PLEKHG3: variants seen among roughly 807,000 people sequenced by gnomAD.
The protein encoded by PLEKHG3 is pleckstrin homology domain-containing family G member 3.
A neutral mutation model predicts 94.9 loss-of-function variants in PLEKHG3; 62 were observed. The observed-to-expected ratio is 0.65, with a 90% CI of 0.53 to 0.81. The LOEUF is 0.81. Among genes scored for constraint, PLEKHG3 ranks in the 30% least tolerant of loss-of-function variants. The pLI, the probability that PLEKHG3 is intolerant of heterozygous loss-of-function variation, is 0.00. For synonymous variants in PLEKHG3, 614 were observed against 654.0 expected (o/e 0.94, Z 0.93); for missense variants, 1,461 against 1,619.3 (o/e 0.90, Z 1.68).
intron 16 of PLEKHG3, 125 bp from the exon 17 acceptor site, chr14:64,742,857 C>G (rs894293667): frequency 9.6e-6 from 8 of 834,676 alleles, no homozygotes; most frequent in Non-Finnish European, 1.6e-5. Flanking sequence ...TGAGATTTCT[C>G]CCATCACACC....
rs1278045308 is a variant in PLEKHG3, at chr14:64,743,182, T to A, written c.3139T>A (p.Trp1047Arg). Reference sequence around the variant, plus strand: ...CCTCAGCCCCACAGAGACCTTCAGCTGGCCCGACGTCCGTGAGCTCTGCTC... The same window carrying A: ...CCTCAGCCCCACAGAGACCTTCAGCAGGCCCGACGTCCGTGAGCTCTGCTC... ...SPLSPTETFS[W>R]PDVRELCSKY... The change falls in exon 17 of 17, where the codon TGG (tryptophan) becomes AGG (arginine). Residue 1047 changes from tryptophan to arginine, a missense_variant. Trp to Arg is a moderately radical substitution (Grantham distance 101). Transcript: ENST00000247226. This position sits in a 1 kb window ranked among gnomAD's most constrained non-coding sequence, Gnocchi z 7.2. 1.9e-6 allele frequency: 3 copies of A among 1,610,464 alleles called. No individual in the cohort carries two copies. The highest frequency in any genetic ancestry group is 2.5e-6 in the Non-Finnish European group (3 of 1,179,772).
At chr14:64,707,816 AC>A (rs565737508) in intron 1 of PLEKHG3, among the ~76,000 whole-genome samples, 14 of 152,358 alleles carry the variant, frequency 9.2e-5, no homozygotes, top group African/African-American at 3.4e-4. Context: ...TTGACAGCTC[AC>A]TAGCCCTGTG....
chr14:64,727,501 A>ACCCCCCCCTCCCCC lies in PLEKHG3; in HGVS notation c.-39-88_-39-87insCCCCTCCCCCCCCC. On this transcript the variant is annotated intron_variant, in intron 1 of 16. Coordinates refer to ENST00000247226, the MANE Select transcript of PLEKHG3 (RefSeq NM_001308147.2). This position sits in a 1 kb window ranked among gnomAD's most constrained non-coding sequence, Gnocchi z 6.0. ...TGGATGCACTAAATAATACCTTCCC[A>ACCCCCCCCTCCCCC]CCCCACCTGCCCCCACCCCTGGCAA... 3.6e-6 allele frequency: 1 copy of ACCCCCCCCTCCCCC among 280,846 alleles called. No individual in the cohort carries two copies. The allele number at this position is 280,846 out of a possible 1,614,324, so 17.4% of individuals were successfully genotyped here.
chr14:64,741,067 A>T lies in PLEKHG3; in HGVS notation c.1550A>T (p.Gln517Leu). The change falls in exon 16 of 17, where the codon CAA (glutamine) becomes CTA (leucine). Residue 517 changes from glutamine to leucine, a missense_variant. Around this residue, in one of 3 missense-constraint regions of PLEKHG3, gnomAD observed 1,201 missense variants for 1,295.5 expected, o/e 0.93. Transcript: ENST00000247226. ...VEPDPEAGSE[Q>L]EVFSAVEGPS... ...CCGGACCCTGAGGCTGGGAGTGAGC[A>T]AGAGGTATTTTCTGCTGTGGAAGGG... The T allele has an allele frequency of 6.2e-7, 1 of 1,604,958 alleles. No homozygotes were observed. Among genetic ancestry groups the T allele is most frequent in the Admixed American group, 1.7e-5 (1 of 59,248 alleles).
Position 64,728,031 on chromosome 14 carries a change from C to A in PLEKHG3, c.351+49C>A. Reference sequence around the variant, plus strand: ...ACAGTATTCTAGCAGAAGCCTGTTTCACCCTGGGAGGGAAGCTCTCAAAAG... The same window carrying A: ...ACAGTATTCTAGCAGAAGCCTGTTTAACCCTGGGAGGGAAGCTCTCAAAAG... On this transcript the variant is annotated intron_variant, in intron 2 of 16. Transcript: ENST00000247226. The surrounding 1 kb of genome is among the most constrained non-coding windows in gnomAD (Gnocchi z 5.9). 8.2e-7 allele frequency: 1 copy of A among 1,218,830 alleles called. No homozygotes were observed. Among genetic ancestry groups the A allele is most frequent in the Non-Finnish European group, 1.1e-6 (1 of 887,440 alleles). 75.5% of individuals were successfully genotyped at this position (1,218,830 alleles called of 1,614,324 possible). A position where few individuals can be genotyped will look rare whatever the true frequency, so the allele number is the denominator to read the frequency against.
chr14:64,712,304 C>A (rs2081075598), intron 1 of PLEKHG3, among the ~76,000 whole-genome samples: 1 of 151,850 alleles, frequency 6.6e-6, no homozygotes, highest in Non-Finnish European at 1.5e-5. Context: ...TTTGGGTATT[C>A]TGGGTCCCTT....
At chr14:64,734,760 A>G (rs229620) in intron 12 of PLEKHG3, among the ~76,000 whole-genome samples, 36,878 of 132,310 alleles carry the variant, frequency 0.28, 4,958 homozygotes, top group African/African-American at 0.37. Context: ...CTTGTCTGTC[A>G]CCCAGGCTGG....
Position 64,723,169 on chromosome 14 carries a change from G to A in PLEKHG3, c.-39-4424G>A, listed in dbSNP as rs556717311. Among the ~76,000 whole-genome samples the A allele has an allele frequency of 2.9e-5, 4 of 139,392 alleles. No homozygotes were observed. In the East Asian group the frequency reaches 7.8e-4, roughly 27 times the overall value. 91.4% of individuals were successfully genotyped at this position (139,392 alleles called of 152,430 possible). On this transcript the variant is annotated intron_variant, in intron 1 of 16. Coordinates refer to ENST00000247226, the MANE Select transcript of PLEKHG3 (RefSeq NM_001308147.2). The surrounding 1 kb of genome is among the most constrained non-coding windows in gnomAD (Gnocchi z 4.5). ...GGTGTGGGTGGAGGAAGGGTGTGGT[G>A]TGGTTTAGGCTTAAATTTAAAGAAA...
chr14:64,736,980 A>G, intron 13 of PLEKHG3, 89 bp downstream of exon 13: 3 of 954,856 alleles, frequency 3.1e-6, no homozygotes, highest in Middle Eastern at 2.1e-4. Flanking sequence ...GTGTGACCTG[A>G]GGGTGGAGGA....
rs2081799813 is a variant in PLEKHG3 at position 64,744,771 on chromosome 14, A to ATTTTTTTTGTTTTTTTTTTTTTTTTTT, written c.*1076_*1077insGTTTTTTTTTTTTTTTTTTTTTTTTTT. On this transcript the variant is annotated 3_prime_UTR_variant, in exon 17 of 17. Transcript: ENST00000247226. ...CCAGGAAACATCCTAGAAGACAAGG[A>ATTTTTTTTGTTTTTTTTTTTTTTTTTT]TTTTTTTTTTTTTTTTTTTTGAGAC... 1 of 122,042 alleles carries ATTTTTTTTGTTTTTTTTTTTTTTTTTT rather than the reference A, an allele frequency of 8.2e-6. No individual in the cohort carries two copies. The highest frequency in any genetic ancestry group is 3.4e-5 in the African/African-American group (1 of 29,462). The allele number at this position is 122,042 out of a possible 1,614,324, so 7.6% of individuals were successfully genotyped here.
chr14:64,726,942 C>T lies in PLEKHG3; in HGVS notation c.-39-651C>T, dbSNP rs945141185. ...TAACATTGTAAGAACCAGATCTTTGCCCATCCCTGTACAGTGACCCCAGCA... is the reference window on the plus strand; with the variant it reads ...TAACATTGTAAGAACCAGATCTTTGTCCATCCCTGTACAGTGACCCCAGCA... On this transcript the variant is annotated intron_variant, in intron 1 of 16. Transcript: ENST00000247226. This position sits in a 1 kb window ranked among gnomAD's most constrained non-coding sequence, Gnocchi z 5.1. 6.6e-6 allele frequency among the ~76,000 whole-genome samples: 1 copy of T among 152,172 alleles called. No individual in the cohort carries two copies. The highest frequency in any genetic ancestry group is 2.4e-5 in the African/African-American group (1 of 41,420).
rs1482593603 is a variant in PLEKHG3 at position 64,749,667 on chromosome 14, T to C, written c.*5964T>C. On this transcript the variant is annotated 3_prime_UTR_variant, in exon 17 of 17. Coordinates refer to ENST00000247226, the MANE Select transcript of PLEKHG3 (RefSeq NM_001308147.2). The surrounding 1 kb of genome is among the most constrained non-coding windows in gnomAD (Gnocchi z 4.7). ...GCCCGCGCTTACCTCATCCTTGCCA[T>C]GGAAGAGCCACTCGCTGCCATTACT... 1 of 1,613,758 alleles carries C rather than the reference T, an allele frequency of 6.2e-7. No individual in the cohort carries two copies. Among genetic ancestry groups the C allele is most frequent in the Non-Finnish European group, 8.5e-7 (1 of 1,179,946 alleles).
At chr14:64,737,881 C>G (rs900609530) in intron 14 of PLEKHG3, 7 of 1,199,064 alleles carry the variant, frequency 5.8e-6, no homozygotes. Context: ...AGTGCTGGAA[C>G]CCTCCTGGAC....
At chr14:64,712,390 G>A (rs978115206) in intron 1 of PLEKHG3, among the ~76,000 whole-genome samples, 3 of 152,068 alleles carry the variant, frequency 2.0e-5, no homozygotes, top group South Asian at 2.1e-4. Flanking sequence ...GATAGAGATT[G>A]TATTGCATCT....
At position 64,730,738 on chromosome 14, in the gene PLEKHG3, G is replaced by A. The variant is rs750324265; in HGVS notation, c.566+50G>A. 6.2e-7 allele frequency: 1 copy of A among 1,612,210 alleles called. No individual in the cohort carries two copies. Among genetic ancestry groups the A allele is most frequent in the Non-Finnish European group, 8.5e-7 (1 of 1,178,332 alleles). The stretch of plus-strand genomic sequence containing the variant: ...GGCAGAGCCATTTGGTGAGTCCAGA[G>A]CCCCCCACTTCCTCATCCAGGCCTT... On this transcript the variant is annotated intron_variant, in intron 5 of 16. Transcript: ENST00000247226. The surrounding 1 kb of genome is among the most constrained non-coding windows in gnomAD (Gnocchi z 5.4).
At chr14:64,735,692 A>G (rs112636214) in intron 12 of PLEKHG3, among the ~76,000 whole-genome samples, 15 of 152,274 alleles carry the variant, frequency 9.9e-5, no homozygotes, top group African/African-American at 3.6e-4. Context: ...AAAGATCAGG[A>G]AAGTCACTAG....
rs1274707533 is a variant in PLEKHG3, at chr14:64,746,774, C to T, written c.*3071C>T. The T allele has an allele frequency of 1.3e-5, 2 of 152,576 alleles. No individual in the cohort carries two copies. The highest frequency in any genetic ancestry group is 2.9e-5 in the Non-Finnish European group (2 of 68,154). 9.5% of individuals were successfully genotyped at this position (152,576 alleles called of 1,614,324 possible). On this transcript the variant is annotated 3_prime_UTR_variant, in exon 17 of 17. Coordinates refer to ENST00000247226, the MANE Select transcript of PLEKHG3 (RefSeq NM_001308147.2). The surrounding 1 kb of genome is among the most constrained non-coding windows in gnomAD (Gnocchi z 4.9). ...GGAAGGAGGACCGCCTGACCTTGCC[C>T]AGAAGGAGCTTCCTCTAAACTGCCC... is the stretch of plus-strand genomic sequence containing the variant.
intron 12 of PLEKHG3, among the ~76,000 whole-genome samples, chr14:64,733,313 C>T (rs1271446382): frequency 1.3e-5 from 2 of 151,848 alleles, no homozygotes; most frequent in African/African-American, 4.8e-5. Flanking sequence ...TACAAGCGTG[C>T]ACCACCACAC....
chr14:64,745,695 T>G lies in PLEKHG3; in HGVS notation c.*1992T>G, dbSNP rs1336619412. 1.3e-5 allele frequency: 2 copies of G among 152,248 alleles called. No homozygotes were observed. Among genetic ancestry groups the G allele is most frequent in the East Asian group, 3.8e-4 (2 of 5,196 alleles). 9.4% of individuals were successfully genotyped at this position (152,248 alleles called of 1,614,324 possible). On this transcript the variant is annotated 3_prime_UTR_variant, in exon 17 of 17. Coordinates refer to ENST00000247226, the MANE Select transcript of PLEKHG3 (RefSeq NM_001308147.2). The surrounding 1 kb of genome is among the most constrained non-coding windows in gnomAD (Gnocchi z 5.0). ...AGGGGCTATCTCTGCCCTGCGCTGCTTCTGCTCAAGAGAGGTTGTCACTAG... is the reference window on the plus strand; with the variant it reads ...AGGGGCTATCTCTGCCCTGCGCTGCGTCTGCTCAAGAGAGGTTGTCACTAG...
Sources: gnomAD v4.1 joint callset for allele counts (sites outside exome capture counted in the v4.1 genomes callset) on GRCh38, gnomAD v4.1.1 for gene constraint, gnomAD v4.1.1 regional missense constraint, Gnocchi (gnomAD v3.1) non-coding constraint, MANE v1.5 for transcripts, NCBI Gene and HGNC (gene_info 2026-07-23, HGNC 2026-07-21) for gene names.